The following GRIK3 variants were observed in gnomAD, a reference collection of about 807,000 sequenced individuals.
The protein encoded by GRIK3 is glutamate ionotropic receptor kainate type subunit 3, also known as glutamate receptor ionotropic, kainate 3.
In GRIK3, 29 loss-of-function variants were observed where a neutral mutation model predicts 102.5. The observed-to-expected ratio is 0.28, with a 90% confidence interval of 0.21 to 0.39. The LOEUF (loss-of-function observed/expected upper bound fraction) is 0.39, where lower values mean the gene tolerates loss of function less well. Ranked by LOEUF, GRIK3 falls within the 10% of genes least tolerant of loss-of-function variation. GRIK3 has a pLI of 1.00. For missense variants in GRIK3, 908 were observed against 1,252.4 expected, an observed-to-expected ratio of 0.73 and a Z score of 4.15; for synonymous variants, 511 against 504.9, an observed-to-expected ratio of 1.01 and a Z score of -0.16.
At chr1:36,909,829 G>A (rs1036165961) in intron 1 of GRIK3, among the ~76,000 whole-genome samples, 3 of 152,164 alleles carry the variant, frequency 2.0e-5, no homozygotes, top group Non-Finnish European at 2.9e-5. Context: ...TTTCTACTAT[G>A]ATATGTTGTT....
intron 10 of GRIK3, among the ~76,000 whole-genome samples, chr1:36,827,076 C>G (rs1184809201): frequency 6.6e-6 from 1 of 152,162 alleles, no homozygotes; most frequent in African/African-American, 2.4e-5. Context: ...TTGCCTCTTC[C>G]AGAAACCCTC....
intron 1 of GRIK3, among the ~76,000 whole-genome samples, chr1:36,993,190 T>C (rs1258272312): frequency 1.3e-5 from 2 of 152,092 alleles, no homozygotes; most frequent in African/African-American, 4.8e-5. Context: ...TGCTGGGACC[T>C]GATGCAAGAA....
chr1:36,955,417 C>T (rs1436356533), intron 1 of GRIK3, among the ~76,000 whole-genome samples: 1 of 152,198 alleles, frequency 6.6e-6, no homozygotes, highest in African/African-American at 2.4e-5. Flanking sequence ...GACAGGCACA[C>T]TCACAGCACC....
chr1:36,847,533 C>T (rs1008607600), intron 9 of GRIK3, among the ~76,000 whole-genome samples: 1 of 152,194 alleles, frequency 6.6e-6, no homozygotes, highest in African/African-American at 2.4e-5. Flanking sequence ...CTCAAGATCT[C>T]TCACTCAGCA....
intron 1 of GRIK3, among the ~76,000 whole-genome samples, chr1:36,918,073 A>G (rs1641422143): frequency 6.6e-6 from 1 of 152,234 alleles, no homozygotes; most frequent in African/African-American, 2.4e-5. Flanking sequence ...ATATAGGTTT[A>G]AAGACACTGT....
At chr1:36,900,293 C>T (rs1461194934) in intron 1 of GRIK3, among the ~76,000 whole-genome samples, 3 of 152,074 alleles carry the variant, frequency 2.0e-5, no homozygotes, top group Non-Finnish European at 4.4e-5. Flanking sequence ...TGCTCCTCCT[C>T]CCCCTCCTGC....
At chr1:37,004,083 T>C (rs1642506808) in intron 1 of GRIK3, among the ~76,000 whole-genome samples, 1 of 151,918 alleles carries the variant, frequency 6.6e-6, no homozygotes, top group South Asian at 2.1e-4. Context: ...CCAGAAAACA[T>C]CAGGGCCTTG....
intron 1 of GRIK3, among the ~76,000 whole-genome samples, chr1:37,010,703 G>T (rs559757435): frequency 6.6e-6 from 1 of 151,058 alleles, no homozygotes; most frequent in East Asian, 1.9e-4. Context: ...GCCATCGCAG[G>T]TGTCAGTTTT....
chr1:36,802,234 G>A (rs1172094079), intron 15 of GRIK3, among the ~76,000 whole-genome samples, 189 bp from the exon 16 acceptor site: 2 of 152,182 alleles, frequency 1.3e-5, no homozygotes, highest in Non-Finnish European at 2.9e-5. Flanking sequence ...TACAAAACCT[G>A]ACATTCTTGT....
intron 1 of GRIK3, among the ~76,000 whole-genome samples, chr1:36,983,245 G>A (rs1011978175): frequency 6.6e-6 from 1 of 151,986 alleles, no homozygotes; most frequent in African/African-American, 2.4e-5. Flanking sequence ...CCCACAAACC[G>A]GGGATACTCA....
chr1:36,993,071 G>A (rs1008943602), intron 1 of GRIK3, among the ~76,000 whole-genome samples: 1 of 152,154 alleles, frequency 6.6e-6, no homozygotes, highest in Non-Finnish European at 1.5e-5. Context: ...TGGGGGTAAA[G>A]GGGGCAAGGG....
intron 1 of GRIK3, among the ~76,000 whole-genome samples, chr1:36,914,702 A>G (rs554823176): frequency 1.2e-4 from 19 of 152,296 alleles, no homozygotes; most frequent in African/African-American, 3.4e-4. Flanking sequence ...CAACGGTGAA[A>G]CTATTTGATC....
rs373589381 is a variant in GRIK3, at chr1:36,806,252, G to A, written c.2166C>T (p.Asn722=). Residue 722 remains asparagine, a synonymous_variant, in exon 14 of 16, where the codon AAC becomes AAT. Transcript: ENST00000373091. This position sits in a 1 kb window ranked among gnomAD's most constrained non-coding sequence, Gnocchi z 4.0. The part of the protein sequence containing the change: ...SSKPSALVKN[N]EEGIQRALTA... ...TCAGGGCCCTCTGGATGCCCTCCTC[G>A]TTGTTCTTCACCAGCGCCGATGGCT... 3.4e-5 allele frequency: 55 copies of A among 1,613,994 alleles called. 1 individual carries two copies. The Middle Eastern group carries it at 6.6e-4, about 19-fold the overall frequency.
chr1:37,021,573 AT>A (rs1167663225), intron 1 of GRIK3, among the ~76,000 whole-genome samples: 1 of 152,170 alleles, frequency 6.6e-6, no homozygotes, highest in Non-Finnish European at 1.5e-5. Flanking sequence ...GTTCACCCAT[AT>A]TTTATTTACT....
chr1:36,939,906 T>C (rs950069447), intron 1 of GRIK3, among the ~76,000 whole-genome samples: 1 of 152,198 alleles, frequency 6.6e-6, no homozygotes, highest in Non-Finnish European at 1.5e-5. Flanking sequence ...CAGTCATCTC[T>C]ATCATACCTG....
intron 1 of GRIK3, among the ~76,000 whole-genome samples, chr1:36,990,461 G>A (rs1338799596): frequency 6.6e-6 from 1 of 152,164 alleles, no homozygotes; most frequent in East Asian, 1.9e-4. Flanking sequence ...CCCAGGAGGA[G>A]CTGGCTTCAG....
At chr1:36,979,764 T>A (rs1328935771) in intron 1 of GRIK3, among the ~76,000 whole-genome samples, 1 of 152,142 alleles carries the variant, frequency 6.6e-6, no homozygotes, top group Non-Finnish European at 1.5e-5. Flanking sequence ...GAGGGCATGA[T>A]GGGCTGTGGG....
Position 36,801,559 on chromosome 1 carries a change from G to C in GRIK3, c.*292C>G, listed in dbSNP as rs1642439937. The C allele has an allele frequency of 3.3e-6, 1 of 299,868 alleles. No homozygotes were observed. Among genetic ancestry groups the C allele is most frequent in the East Asian group, 5.8e-5 (1 of 17,108 alleles). The allele number at this position is 299,868 out of a possible 1,614,324, so 18.6% of individuals were successfully genotyped here. On this transcript the variant is annotated 3_prime_UTR_variant, in exon 16 of 16. Coordinates refer to ENST00000373091, the MANE Select transcript of GRIK3 (RefSeq NM_000831.4). ...GGCAGAAACTTCTGACTCTGGAGGA[G>C]AGTTGAGGGGCAGGTGAGTTTGGCC...
At chr1:36,861,293 C>T (rs956006417) in intron 5 of GRIK3, among the ~76,000 whole-genome samples, 1 of 152,162 alleles carries the variant, frequency 6.6e-6, no homozygotes, top group South Asian at 2.1e-4. Context: ...TGGCCCTATC[C>T]CACTAGTGGG....
Sources: allele counts gnomAD v4.1 joint callset (sites outside exome capture counted in the v4.1 genomes callset), GRCh38; gene constraint gnomAD v4.1.1; non-coding constraint Gnocchi (gnomAD v3.1); transcripts MANE v1.5; gene names NCBI Gene and HGNC (gene_info 2026-07-23, HGNC 2026-07-21).